MFHAS1: variants seen among roughly 807,000 people sequenced by gnomAD.
MFHAS1 encodes the protein malignant fibrous histiocytoma-amplified sequence 1.
MFHAS1 carries 50 observed loss-of-function variants against 70.4 expected under a neutral mutation model. That is an observed-to-expected ratio of 0.71 (90% CI 0.57 to 0.90). The LOEUF (loss-of-function observed/expected upper bound fraction) is 0.90, where lower values mean the gene tolerates loss of function less well. MFHAS1 is among the 40% of genes least tolerant of loss of function. The pLI is 0.00. For missense variants in MFHAS1, 1,795 were observed against 1,347.6 expected (o/e 1.33, Z -5.20); for synonymous variants, 952 against 620.0 (o/e 1.54, Z -7.96).
At chr8:8,789,050 G>T (rs945315691) in intron 2 of MFHAS1, among the ~76,000 whole-genome samples, 2 of 152,156 alleles carry the variant, frequency 1.3e-5, no homozygotes, top group Non-Finnish European at 2.9e-5. Context: ...AATTATTGTC[G>T]GTTTGAAGGA....
chr8:8,798,585 C>T (rs903263938), intron 1 of MFHAS1, among the ~76,000 whole-genome samples: 30 of 152,284 alleles, frequency 2.0e-4, no homozygotes, highest in African/African-American at 7.0e-4. Context: ...AATCCTCCCA[C>T]CTCAGCCTCC....
At chr8:8,857,447 T>G (rs991696042) in intron 1 of MFHAS1, among the ~76,000 whole-genome samples, 3 of 152,116 alleles carry the variant, frequency 2.0e-5, no homozygotes, top group Admixed American at 2.0e-4. Context: ...GCCACTGAAA[T>G]AATAAGAATT....
chr8:8,872,229 G>A (rs899169218), intron 1 of MFHAS1, among the ~76,000 whole-genome samples: 1 of 152,096 alleles, frequency 6.6e-6, no homozygotes, highest in South Asian at 2.1e-4. Flanking sequence ...CCAAAGAATC[G>A]GGATTCTTTT....
intron 1 of MFHAS1, among the ~76,000 whole-genome samples, chr8:8,851,942 G>T (rs533586593): frequency 6.6e-6 from 1 of 152,192 alleles, no homozygotes; most frequent in Non-Finnish European, 1.5e-5. Flanking sequence ...TGAAGCTTAA[G>T]TGTAAATCTG....
intron 1 of MFHAS1, among the ~76,000 whole-genome samples, chr8:8,828,546 C>T (rs1807249467): frequency 6.6e-6 from 1 of 152,160 alleles, no homozygotes; most frequent in African/African-American, 2.4e-5. Context: ...ACACCATTAC[C>T]TAGAGCCTGC....
chr8:8,853,261 C>A (rs1192133689), intron 1 of MFHAS1, among the ~76,000 whole-genome samples: 2 of 151,984 alleles, frequency 1.3e-5, no homozygotes, highest in Non-Finnish European at 2.9e-5. Flanking sequence ...ACAGTTTGCT[C>A]GGAAGCTACT....
chr8:8,840,461 C>CAAAAAAAAA (rs141909980), intron 1 of MFHAS1, among the ~76,000 whole-genome samples: 1 of 82,112 alleles, frequency 1.2e-5, no homozygotes. Flanking sequence ...CATCTCAATA[C>CAAAAAAAAA]AAAAAAAAAA....
intron 1 of MFHAS1, among the ~76,000 whole-genome samples, chr8:8,801,897 A>G (rs565178690): frequency 6.6e-6 from 1 of 152,154 alleles, no homozygotes; most frequent in Admixed American, 6.5e-5. Context: ...AGAAGGAGAG[A>G]TTCATACTGA....
chr8:8,818,756 G>A (rs1806837035), intron 1 of MFHAS1, among the ~76,000 whole-genome samples: 1 of 152,182 alleles, frequency 6.6e-6, no homozygotes, highest in Non-Finnish European at 1.5e-5. Flanking sequence ...AGAAAGAGAG[G>A]TGTCTATGAG....
At position 8,886,875 on chromosome 8, in the gene MFHAS1, C is replaced by T. The variant is rs185977303; in HGVS notation, c.2998+3186G>A. 2.2e-3 allele frequency among the ~76,000 whole-genome samples: 341 copies of T among 152,306 alleles called. 1 individual carries two copies. The highest frequency in any genetic ancestry group is 7.7e-3 in the African/African-American group (322 of 41,556). On this transcript the variant is annotated intron_variant, in intron 1 of 2. Transcript: ENST00000276282. ...GCCTAGTGGCTCACGCTTATAATCC[C>T]AGCACTTTGCGAGACTGAGGTGGGT... is the stretch of plus-strand genomic sequence containing the variant.
chr8:8,864,440 C>T (rs781180961), intron 1 of MFHAS1, among the ~76,000 whole-genome samples: 1 of 152,176 alleles, frequency 6.6e-6, no homozygotes, highest in South Asian at 2.1e-4. Context: ...TCAGAATCAC[C>T]AAGTAAAAAT....
chr8:8,785,851 AC>A lies in MFHAS1; in HGVS notation c.*170del. ...GTTCTCGTCCATGCTTCCCCCCACCACCCCCTCCCCACCTCTTCCCCAGTCG... is the reference window on the plus strand; with the variant it reads ...GTTCTCGTCCATGCTTCCCCCCACCACCCCTCCCCACCTCTTCCCCAGTCG... On this transcript the variant is annotated 3_prime_UTR_variant, in exon 3 of 3. Transcript: ENST00000276282. 2 of 229,292 alleles carry A rather than the reference AC, an allele frequency of 8.7e-6. No individual in the cohort carries two copies. The highest frequency in any genetic ancestry group is 1.8e-5 in the Non-Finnish European group (2 of 113,682). The allele number at this position is 229,292 out of a possible 1,614,324, so 14.2% of individuals were successfully genotyped here. A position where few individuals can be genotyped will look rare whatever the true frequency, so the allele number is the denominator to read the frequency against.
rs532761971 is a variant in MFHAS1 at position 8,785,772 on chromosome 8, C to T, written c.*250G>A. 1.2e-5 allele frequency: 5 copies of T among 417,166 alleles called. No individual in the cohort carries two copies. Among genetic ancestry groups the T allele is most frequent in the South Asian group, 1.4e-4 (2 of 14,488 alleles). The allele number at this position is 417,166 out of a possible 1,614,324, so 25.8% of individuals were successfully genotyped here. On this transcript the variant is annotated 3_prime_UTR_variant, in exon 3 of 3. Coordinates refer to ENST00000276282, the MANE Select transcript of MFHAS1 (RefSeq NM_004225.3). ...TTTTTTTTCTTTTCTTCAAGTAGCG[C>T]GCTCCTTGGAGGATCACAGTTCTGA...
At chr8:8,877,203 G>A (rs1257580268) in intron 1 of MFHAS1, among the ~76,000 whole-genome samples, 1 of 151,040 alleles carries the variant, frequency 6.6e-6, no homozygotes, top group African/African-American at 2.4e-5. Context: ...GGGAGGCTGA[G>A]GTGGGAGGAT....
chr8:8,832,425 T>TCACACACACACACACA (rs35913215), intron 1 of MFHAS1, among the ~76,000 whole-genome samples: 3 of 143,604 alleles, frequency 2.1e-5, no homozygotes, highest in African/African-American at 7.9e-5. Context: ...ACAAGATACT[T>TCACACACACACACACA]CACACACACA....
chr8:8,803,723 G>A lies in MFHAS1; in HGVS notation c.2999-6232C>T, dbSNP rs761527410. Among the ~76,000 whole-genome samples the A allele has an allele frequency of 5.1e-4, 77 of 151,980 alleles. 1 individual carries two copies. Among genetic ancestry groups the A allele is most frequent in the Admixed American group, 4.9e-3 (75 of 15,256 alleles). Reference sequence around the variant, plus strand: ...GCAGTGGCTCACACCTGTAATCCCAGCACTTTGGGAGGCCGAGGCAGGCAA... The same window carrying A: ...GCAGTGGCTCACACCTGTAATCCCAACACTTTGGGAGGCCGAGGCAGGCAA... On this transcript the variant is annotated intron_variant, in intron 1 of 2. Transcript: ENST00000276282.
chr8:8,835,123 A>C (rs553335716), intron 1 of MFHAS1, among the ~76,000 whole-genome samples: 1 of 152,296 alleles, frequency 6.6e-6, no homozygotes, highest in Non-Finnish European at 1.5e-5. Flanking sequence ...CATGGACAGA[A>C]AGCAGATGAG....
intron 1 of MFHAS1, among the ~76,000 whole-genome samples, chr8:8,809,960 G>C (rs1806486091): frequency 6.6e-6 from 1 of 152,226 alleles, no homozygotes; most frequent in Non-Finnish European, 1.5e-5. Context: ...CCTTGCAAGA[G>C]AAAATAGGAC....
At chr8:8,861,199 C>T (rs1478614382) in intron 1 of MFHAS1, among the ~76,000 whole-genome samples, 1 of 152,192 alleles carries the variant, frequency 6.6e-6, no homozygotes, top group Admixed American at 6.5e-5. Flanking sequence ...TAATGTAAAA[C>T]AGAACACTCA....
Sources: allele counts gnomAD v4.1 joint callset (sites outside exome capture counted in the v4.1 genomes callset), GRCh38; gene constraint gnomAD v4.1.1; transcripts MANE v1.5; gene names NCBI Gene and HGNC (gene_info 2026-07-23, HGNC 2026-07-21).